Variants in KIF26B observed in about 807,000 individuals in gnomAD.
KIF26B encodes kinesin-like protein KIF26B.
Under a neutral mutation model 151.2 loss-of-function variants are expected in KIF26B, and 63 were observed. The observed-to-expected ratio is 0.42, with a 90% CI of 0.34 to 0.51. The LOEUF is 0.51. Among genes scored for constraint, KIF26B ranks in the 20% least tolerant of loss-of-function variants. The pLI, the probability that KIF26B is intolerant of heterozygous loss-of-function variation, is 0.07. For missense variants in KIF26B, 2,813 were observed against 2,913.6 expected (o/e 0.97, Z 0.79); for synonymous variants, 1,357 against 1,262.1 (o/e 1.08, Z -1.59).
At chr1:245,197,759 GAT>G in intron 2 of KIF26B, among the ~76,000 whole-genome samples, 1 of 152,154 alleles carries the variant, frequency 6.6e-6, no homozygotes, top group African/African-American at 2.4e-5. Context: ...TGACACAGGA[GAT>G]ATTTTGAAAT....
At chr1:245,549,752 A>G (rs952566892) in intron 5 of KIF26B, among the ~76,000 whole-genome samples, 1 of 151,796 alleles carries the variant, frequency 6.6e-6, no homozygotes, top group African/African-American at 2.4e-5. Context: ...ACCAAAATGT[A>G]TTATTATGGA....
At chr1:245,620,989 C>G (rs1558240000) in intron 9 of KIF26B, among the ~76,000 whole-genome samples, 2 of 152,060 alleles carry the variant, frequency 1.3e-5, no homozygotes, top group African/African-American at 4.8e-5. Context: ...TGCAGGTGAC[C>G]CAGAGCATTG....
intron 2 of KIF26B, among the ~76,000 whole-genome samples, chr1:245,362,254 T>C (rs1465487086): frequency 1.4e-5 from 2 of 147,316 alleles, no homozygotes; most frequent in African/African-American, 5.1e-5. Context: ...AAGGGCCGGG[T>C]GCGGTGGCTC....
At position 245,261,350 on chromosome 1, in the gene KIF26B, C is replaced by T. The variant is rs12040027; in HGVS notation, c.465+104667C>T. Among the ~76,000 whole-genome samples, 943 of 152,106 alleles carry T rather than the reference C, an allele frequency of 6.2e-3. 10 individuals carry two copies. The East Asian group carries it at 0.069, about 11-fold the overall frequency. On this transcript the variant is annotated intron_variant, in intron 2 of 14. Coordinates refer to ENST00000407071, the MANE Select transcript of KIF26B (RefSeq NM_018012.4). ...TTCTCCATGTTGGTCAGGCTGGTCT[C>T]GAACTCCCGACCTCAGGTGATCCGC... is the stretch of plus-strand genomic sequence containing the variant.
chr1:245,235,077 C>T (rs930337468), intron 2 of KIF26B, among the ~76,000 whole-genome samples: 8 of 152,146 alleles, frequency 5.3e-5, no homozygotes, highest in African/African-American at 1.9e-4. Context: ...GTCCCTACTG[C>T]GCTGGGTTGA....
chr1:245,671,447 A>G (rs1259846011), intron 10 of KIF26B, among the ~76,000 whole-genome samples: 1 of 152,210 alleles, frequency 6.6e-6, no homozygotes, highest in Non-Finnish European at 1.5e-5. Flanking sequence ...ATAGAGACAC[A>G]AAGTAGAATG....
chr1:245,492,928 G>GC (rs1660437998), intron 4 of KIF26B, among the ~76,000 whole-genome samples: 1 of 151,862 alleles, frequency 6.6e-6, no homozygotes, highest in South Asian at 2.1e-4. Flanking sequence ...CTACAGGCGC[G>GC]CCCCACCACA....
chr1:245,614,815 A>AG (rs1430619806), intron 9 of KIF26B: 1 of 152,232 alleles, frequency 6.6e-6, no homozygotes, highest in African/African-American at 2.4e-5. Context: ...CACCATGTAG[A>AG]GCGCTTCCGT....
chr1:245,564,864 T>C lies in KIF26B; in HGVS notation c.1350+23914T>C, dbSNP rs1343194344. ...AGACCCCCACATGCACAGCTCACAA[T>C]AGGGTTTGTGCTTCCATGAGAATCT... On this transcript the variant is annotated intron_variant, in intron 5 of 14. Transcript: ENST00000407071. The surrounding 1 kb of genome is among the most constrained non-coding windows in gnomAD (Gnocchi z 4.6). 1.3e-5 allele frequency among the ~76,000 whole-genome samples: 2 copies of C among 152,126 alleles called. No homozygotes were observed. Among genetic ancestry groups the C allele is most frequent in the African/African-American group, 4.8e-5 (2 of 41,446 alleles).
intron 2 of KIF26B, among the ~76,000 whole-genome samples, chr1:245,261,153 C>A (rs995671471): frequency 6.8e-5 from 10 of 147,964 alleles, no homozygotes; most frequent in African/African-American, 2.5e-4. Context: ...TTCTTTCTTT[C>A]TTTTCTTTTT....
chr1:245,258,981 C>T (rs947820272), intron 2 of KIF26B, among the ~76,000 whole-genome samples: 1 of 152,210 alleles, frequency 6.6e-6, no homozygotes, highest in African/African-American at 2.4e-5. Context: ...GTGCCCCTCG[C>T]TTCGTGCAAC....
intron 6 of KIF26B, among the ~76,000 whole-genome samples, chr1:245,605,001 C>G (rs1164772141): frequency 6.6e-6 from 1 of 152,172 alleles, no homozygotes; most frequent in South Asian, 2.1e-4. Context: ...GGATTCCCCC[C>G]GTTAACCTCT....
chr1:245,687,220 AC>A lies in KIF26B; in HGVS notation c.4242del (p.Ala1416GlnfsTer5). 1 of 1,611,954 alleles carries A rather than the reference AC, an allele frequency of 6.2e-7. No individual in the cohort carries two copies. The highest frequency in any genetic ancestry group is 8.5e-7 in the Non-Finnish European group (1 of 1,179,258). On this transcript the variant is annotated frameshift_variant, in exon 12 of 15. Coordinates refer to ENST00000407071, the MANE Select transcript of KIF26B (RefSeq NM_018012.4). LOFTEE classifies it high-confidence loss of function. The surrounding 1 kb of genome is among the most constrained non-coding windows in gnomAD (Gnocchi z 4.9). ...NIQEPEAPTATPKAGPTLAQS... is the reference protein window; with the variant it reads ...NIQEPEAPTAXPKAGPTLAQS... ...CCAAGAGCCGGAGGCCCCCACCGCC[AC>A]CCCCAAAGCAGGCCCCACATTAGCC...
At position 245,337,205 on chromosome 1, in the gene KIF26B, CCT is replaced by C. The variant is rs1422804350; in HGVS notation, c.466-29628_466-29627del. ...TTATTTATTTTTGAGAAAGTCTTGC[CCT>C]GTCACCCAGGCTGGAGTACAGTAGT... On this transcript the variant is annotated intron_variant, in intron 2 of 14. Coordinates refer to ENST00000407071, the MANE Select transcript of KIF26B (RefSeq NM_018012.4). Among the ~76,000 whole-genome samples the C allele has an allele frequency of 3.0e-4, 45 of 151,018 alleles. 2 individuals carry two copies. The highest frequency in any genetic ancestry group is 2.4e-3 in the Admixed American group (37 of 15,138).
In KIF26B at chr1:245,597,500, A is replaced by T. The variant is rs915720899; in HGVS notation, c.1351-5077A>T. On this transcript the variant is annotated intron_variant, in intron 5 of 14. Transcript: ENST00000407071. The surrounding 1 kb of genome is among the most constrained non-coding windows in gnomAD (Gnocchi z 4.6). ...GGTTTCTGCAGAGAGATCTGCTGTT[A>T]GTCTAGGGAAGATGGGCTTCCCTTT... 1.3e-5 allele frequency among the ~76,000 whole-genome samples: 2 copies of T among 152,114 alleles called. No homozygotes were observed. Among genetic ancestry groups the T allele is most frequent in the Non-Finnish European group, 2.9e-5 (2 of 68,016 alleles).
intron 9 of KIF26B, among the ~76,000 whole-genome samples, chr1:245,641,707 C>T (rs1412253831): frequency 6.6e-6 from 1 of 152,040 alleles, no homozygotes; most frequent in Non-Finnish European, 1.5e-5. Context: ...TGTGAACTTT[C>T]TCTGAGAGAT....
At chr1:245,349,482 GT>G (rs2102999704) in intron 2 of KIF26B, among the ~76,000 whole-genome samples, 1 of 137,520 alleles carries the variant, frequency 7.3e-6, no homozygotes, top group South Asian at 2.4e-4. Context: ...GAATAATCCT[GT>G]TTTACCACAT....
intron 2 of KIF26B, among the ~76,000 whole-genome samples, chr1:245,211,224 CAT>C (rs1354890318): frequency 1.3e-5 from 2 of 152,198 alleles, no homozygotes; most frequent in Admixed American, 6.5e-5. Flanking sequence ...GATCCCCAGA[CAT>C]GTGTCTGAGC....
intron 4 of KIF26B, among the ~76,000 whole-genome samples, chr1:245,462,627 C>T (rs1659675271): frequency 6.6e-6 from 1 of 152,166 alleles, no homozygotes; most frequent in African/African-American, 2.4e-5. Context: ...ATGACAGCCA[C>T]CCTGTATCAG....
Sources: gnomAD v4.1 joint callset for allele counts (sites outside exome capture counted in the v4.1 genomes callset) on GRCh38, gnomAD v4.1.1 for gene constraint, Gnocchi (gnomAD v3.1) non-coding constraint, MANE v1.5 for transcripts, NCBI Gene and HGNC (gene_info 2026-07-23, HGNC 2026-07-21) for gene names.